KCNQ3: variants seen among roughly 807,000 people sequenced by gnomAD.
KCNQ3 encodes potassium voltage-gated channel subfamily KQT member 3.
Under a neutral mutation model 92.5 loss-of-function variants are expected in KCNQ3, and 30 were observed. That is an observed-to-expected ratio of 0.32 (90% CI 0.24 to 0.44). The LOEUF is 0.44. Ranked by LOEUF, KCNQ3 falls within the 20% of genes least tolerant of loss-of-function variation. The pLI is 1.00. For missense variants in KCNQ3, 913 were observed against 1,140.3 expected (o/e 0.80, Z 2.87); for synonymous variants, 450 against 468.8 (o/e 0.96, Z 0.52).
chr8:132,283,074 ATC>A (rs57257623), intron 1 of KCNQ3, among the ~76,000 whole-genome samples: 70,110 of 143,034 alleles, frequency 0.49, 18,359 homozygotes, highest in East Asian at 0.63. Context: ...GGAGATGAGG[ATC>A]TCTCTCTCTC....
At chr8:132,406,425 A>G (rs1586992317) in intron 1 of KCNQ3, among the ~76,000 whole-genome samples, 1 of 152,096 alleles carries the variant, frequency 6.6e-6, no homozygotes, top group African/African-American at 2.4e-5. Context: ...AAAAGTGCTG[A>G]TCAGTTTCAT....
rs139710874 is a variant in KCNQ3 at position 132,175,307 on chromosome 8, C to T, written c.933+146G>A. The T allele has an allele frequency of 2.9e-3, 2,523 of 869,452 alleles. 51 individuals are homozygous for T. In the African/African-American group the frequency reaches 0.037, roughly 13 times the overall value. 53.9% of individuals were successfully genotyped at this position (869,452 alleles called of 1,614,324 possible). On this transcript the variant is annotated intron_variant, in intron 5 of 14. Transcript: ENST00000388996. ...ACCTTGAAGGAGGGTCTTCTGTCAGCAGGTTCTGAGCTGAAATTGGTCTAG... is the reference window on the plus strand; with the variant it reads ...ACCTTGAAGGAGGGTCTTCTGTCAGTAGGTTCTGAGCTGAAATTGGTCTAG...
intron 1 of KCNQ3, chr8:132,447,135 G>T (rs1028042847): frequency 1.5e-6 from 2 of 1,369,468 alleles, no homozygotes; most frequent in African/African-American, 1.4e-5. Flanking sequence ...CTCTCCCCCT[G>T]GGACTCTGAG....
chr8:132,180,844 A>AAAAAAAACAAAAC (rs1554628323), intron 3 of KCNQ3, among the ~76,000 whole-genome samples: 1 of 151,532 alleles, frequency 6.6e-6, no homozygotes, highest in Non-Finnish European at 1.5e-5. Flanking sequence ...TTAAAAAAAA[A>AAAAAAAACAAAAC]AAAAAACCAA....
At chr8:132,226,637 G>C (rs537015317) in intron 1 of KCNQ3, among the ~76,000 whole-genome samples, 1 of 152,292 alleles carries the variant, frequency 6.6e-6, no homozygotes, top group East Asian at 1.9e-4. Context: ...TTTTGCAGAA[G>C]TATGAAGAAA....
chr8:132,191,750 C>T (rs972014267), intron 1 of KCNQ3, among the ~76,000 whole-genome samples: 10 of 151,646 alleles, frequency 6.6e-5, no homozygotes, highest in African/African-American at 2.4e-4. Flanking sequence ...ATGAGCTGAC[C>T]AGAGAGGAGG....
intron 1 of KCNQ3, among the ~76,000 whole-genome samples, chr8:132,317,701 T>C (rs1351192078): frequency 6.6e-6 from 1 of 152,130 alleles, no homozygotes; most frequent in Non-Finnish European, 1.5e-5. Context: ...ACCTCTCCTC[T>C]TGTAGGTCAT....
chr8:132,291,027 T>C (rs1322308018), intron 1 of KCNQ3, among the ~76,000 whole-genome samples: 2 of 152,168 alleles, frequency 1.3e-5, no homozygotes, highest in African/African-American at 4.8e-5. Context: ...TGTTGAGGTA[T>C]CAAGTACAAT....
At chr8:132,365,673 A>C (rs1024253670) in intron 1 of KCNQ3, among the ~76,000 whole-genome samples, 4 of 152,238 alleles carry the variant, frequency 2.6e-5, no homozygotes, top group African/African-American at 7.2e-5. Flanking sequence ...GCTGATAATA[A>C]ATGTAAACAG....
intron 1 of KCNQ3, among the ~76,000 whole-genome samples, chr8:132,350,071 C>T (rs1176088276): frequency 6.6e-6 from 1 of 152,142 alleles, no homozygotes; most frequent in Non-Finnish European, 1.5e-5. Context: ...TACTTTGGAC[C>T]TGTGAAATGA....
intron 1 of KCNQ3, among the ~76,000 whole-genome samples, chr8:132,234,997 A>G (rs888287213): frequency 6.6e-6 from 1 of 152,236 alleles, no homozygotes; most frequent in African/African-American, 2.4e-5. Flanking sequence ...TGATTTATAT[A>G]CATTAAAATG....
Position 132,128,510 on chromosome 8 carries a change from T to TGTGC in KCNQ3, c.*751_*752insGCAC, listed in dbSNP as rs1216513981. ...GGAAACTATTTTAACTTTGTGTATG[T>TGTGC]GTGTGTGTGTGTGTGTGTGTGTGTG... On this transcript the variant is annotated 3_prime_UTR_variant, in exon 15 of 15. Transcript: ENST00000388996. 1 of 47,440 alleles carries TGTGC rather than the reference T, an allele frequency of 2.1e-5. No homozygotes were observed. The highest frequency in any genetic ancestry group is 4.7e-5 in the Non-Finnish European group (1 of 21,336). The allele number at this position is 47,440 out of a possible 1,614,324, so 2.9% of individuals were successfully genotyped here.
intron 1 of KCNQ3, among the ~76,000 whole-genome samples, chr8:132,274,042 G>C (rs1816247309): frequency 6.6e-6 from 1 of 152,096 alleles, no homozygotes; most frequent in African/African-American, 2.4e-5. Flanking sequence ...CTGTTACCCA[G>C]TTCCAAAGTT....
chr8:132,306,815 A>T (rs1563851515), intron 1 of KCNQ3, among the ~76,000 whole-genome samples: 1 of 152,210 alleles, frequency 6.6e-6, no homozygotes, highest in Non-Finnish European at 1.5e-5. Flanking sequence ...AAAGTAATGG[A>T]ATATTCCCTA....
intron 1 of KCNQ3, among the ~76,000 whole-genome samples, chr8:132,311,947 G>A (rs1305514978): frequency 1.4e-5 from 2 of 146,066 alleles, no homozygotes; most frequent in African/African-American, 5.0e-5. Flanking sequence ...TCCAGTGACT[G>A]ATATCGTTAT....
At chr8:132,269,448 A>G (rs143544683) in intron 1 of KCNQ3, among the ~76,000 whole-genome samples, 2 of 152,148 alleles carry the variant, frequency 1.3e-5, no homozygotes, top group Non-Finnish European at 2.9e-5. Flanking sequence ...TGGTTGTTTC[A>G]GCACCATTTG....
At position 132,129,231 on chromosome 8, in the gene KCNQ3, A is replaced by T; in HGVS notation, c.*31T>A. ...AGTGAACTATACAAAGTCTGTCTACATTACAAGGAGGGGTCAGCCAGTGAC... is the reference window on the plus strand; with the variant it reads ...AGTGAACTATACAAAGTCTGTCTACTTTACAAGGAGGGGTCAGCCAGTGAC... On this transcript the variant is annotated 3_prime_UTR_variant, in exon 15 of 15. Coordinates refer to ENST00000388996, the MANE Select transcript of KCNQ3 (RefSeq NM_004519.4). This position sits in a 1 kb window ranked among gnomAD's most constrained non-coding sequence, Gnocchi z 5.9. The T allele has an allele frequency of 6.2e-7, 1 of 1,603,666 alleles. No individual in the cohort carries two copies.
intron 1 of KCNQ3, among the ~76,000 whole-genome samples, chr8:132,196,036 A>G (rs1827289949): frequency 6.6e-6 from 1 of 152,266 alleles, no homozygotes; most frequent in Middle Eastern, 3.4e-3. Flanking sequence ...TAGATCTCCA[A>G]AATATATTAG....
intron 8 of KCNQ3, among the ~76,000 whole-genome samples, chr8:132,169,084 T>C (rs1826229682): frequency 6.6e-6 from 1 of 152,190 alleles, no homozygotes; most frequent in Non-Finnish European, 1.5e-5. Flanking sequence ...CCTCCAGATG[T>C]AGCTGACATT....
Sources: gnomAD v4.1 joint callset for allele counts (sites outside exome capture counted in the v4.1 genomes callset) on GRCh38, gnomAD v4.1.1 for gene constraint, Gnocchi (gnomAD v3.1) non-coding constraint, MANE v1.5 for transcripts, NCBI Gene and HGNC (gene_info 2026-07-23, HGNC 2026-07-21) for gene names.